The following EPS8L1 variants were observed in gnomAD, a reference collection of about 807,000 sequenced individuals.
The protein encoded by EPS8L1 is EPS8 signaling adaptor L1.
Under a neutral mutation model 91.7 loss-of-function variants are expected in EPS8L1, and 101 were observed. That is an observed-to-expected ratio of 1.10 (90% CI 0.94 to 1.30). EPS8L1 has a LOEUF of 1.30. Ranked by LOEUF, EPS8L1 falls within the 50% of genes most tolerant of loss-of-function variation. The pLI is 0.00. For missense variants in EPS8L1, 1,114 were observed against 1,017.0 expected (o/e 1.10, Z -1.30); for synonymous variants, 506 against 445.3 (o/e 1.14, Z -1.72).
At chr19:55,078,252 GCTGGGGGT>G in intron 3 of EPS8L1, 124 bp downstream of exon 3, 1 of 613,440 alleles carries the variant, frequency 1.6e-6, no homozygotes, top group South Asian at 2.2e-5. Context: ...GGGAAGAGGT[GCTGGGGGT>G]CTGGACTCCT....
intron 14 of EPS8L1, 166 bp from the exon 15 acceptor site, chr19:55,085,675 A>T: frequency 1.3e-6 from 1 of 768,122 alleles, no homozygotes; most frequent in Non-Finnish European, 2.1e-6. Context: ...GGAGGGAGCA[A>T]ATATATTCAG....
intron 2 of EPS8L1, among the ~76,000 whole-genome samples, chr19:55,077,757 T>C: frequency 6.6e-6 from 1 of 150,750 alleles, no homozygotes; most frequent in East Asian, 1.9e-4. Flanking sequence ...CCCAGCTAAT[T>C]TTTGTATTTT....
chr19:55,081,698 G>C lies in EPS8L1; in HGVS notation c.775-75G>C. The C allele has an allele frequency of 1.9e-6, 3 of 1,539,136 alleles. No homozygotes were observed. The highest frequency in any genetic ancestry group is 2.6e-6 in the Non-Finnish European group (3 of 1,141,858). ...GCCTGATCTGGGGAAGTGTATAGGTGCTCAGGTTCAGGGCTTCGACGGGGA... is the reference window on the plus strand; with the variant it reads ...GCCTGATCTGGGGAAGTGTATAGGTCCTCAGGTTCAGGGCTTCGACGGGGA... On this transcript the variant is annotated intron_variant, in intron 8 of 19. Coordinates refer to ENST00000201647, the MANE Select transcript of EPS8L1 (RefSeq NM_133180.3). This position sits in a 1 kb window ranked among gnomAD's most constrained non-coding sequence, Gnocchi z 4.9.
chr19:55,081,310 G>A lies in EPS8L1; in HGVS notation c.592G>A (p.Ala198Thr), dbSNP rs2076253444. ...CCTGCAGCGCCGCCCGTCAGTCCGCGCAGTGATCAGCACCGTAGAGCGGGG... is the reference window on the plus strand; with the variant it reads ...CCTGCAGCGCCGCCCGTCAGTCCGCACAGTGATCAGCACCGTAGAGCGGGG... ...PPLQRRPSVR[A>T]VISTVERGAG... Residue 198 changes from alanine (A) to threonine (T), a missense_variant, in exon 8 of 20, where the codon GCA becomes ACA. Physicochemically the swap from Ala to Thr is moderately conservative, Grantham distance 58. Coordinates refer to ENST00000201647, the MANE Select transcript of EPS8L1 (RefSeq NM_133180.3). This position sits in a 1 kb window ranked among gnomAD's most constrained non-coding sequence, Gnocchi z 4.9. 11 of 1,553,128 alleles carry A rather than the reference G, an allele frequency of 7.1e-6. No homozygotes were observed. The highest frequency in any genetic ancestry group is 9.5e-6 in the Non-Finnish European group (11 of 1,155,862).
At chr19:55,082,860 G>A (rs2076299677) in intron 12 of EPS8L1, among the ~76,000 whole-genome samples, 2 of 151,534 alleles carry the variant, frequency 1.3e-5, no homozygotes, top group Admixed American at 1.3e-4. Context: ...AAGGAATAGA[G>A]GGGCTAGGGG....
At position 55,086,113 on chromosome 19, in the gene EPS8L1, A is replaced by G. The variant is rs758365359; in HGVS notation, c.1571A>G (p.Glu524Gly). The G allele has an allele frequency of 1.9e-6, 3 of 1,605,868 alleles. No homozygotes were observed. Among genetic ancestry groups the G allele is most frequent in the Admixed American group, 1.7e-5 (1 of 59,492 alleles). ...AAGGTTCGGGACCCAGCGGGGCAGG[A>G]GGGATATGTGCCCTACAACATCCTG... The part of the protein sequence containing the change: ...WWKVRDPAGQ[E>G]GYVPYNILTP... The change falls in exon 16 of 20, where the codon GAG becomes GGG. Residue 524 changes from glutamate (E) to glycine (G), a missense_variant. Physicochemically the swap from Glu to Gly is moderately conservative, Grantham distance 98. Transcript: ENST00000201647.
At chr19:55,087,482 G>C in intron 19 of EPS8L1, 46 bp from the exon 20 acceptor site, 1 of 1,614,058 alleles carries the variant, frequency 6.2e-7, no homozygotes, top group Non-Finnish European at 8.5e-7. Flanking sequence ...TTGGGATGAC[G>C]AGGGCTCGGA....
At position 55,081,644 on chromosome 19, in the gene EPS8L1, G is replaced by A. The variant is rs2076264633; in HGVS notation, c.775-129G>A. On this transcript the variant is annotated intron_variant, in intron 8 of 19. Coordinates refer to ENST00000201647, the MANE Select transcript of EPS8L1 (RefSeq NM_133180.3). This position sits in a 1 kb window ranked among gnomAD's most constrained non-coding sequence, Gnocchi z 4.9. ...GCTGGGTCGGGGGCGGGGCTTGGTT[G>A]TGGGGCGTGGCCAGGTGTTTGGGGC... 2.1e-6 allele frequency: 3 copies of A among 1,453,344 alleles called. No homozygotes were observed. The South Asian group carries it at 4.2e-5, about 20-fold the overall frequency. 90.0% of individuals were successfully genotyped at this position (1,453,344 alleles called of 1,614,324 possible).
intron 2 of EPS8L1, among the ~76,000 whole-genome samples, 145 bp from the exon 3 acceptor site, chr19:55,077,931 TCAATAATAATAA>T (rs1384135778): frequency 7.9e-5 from 11 of 138,694 alleles, no homozygotes; most frequent in Middle Eastern, 3.4e-3. Context: ...GCTCTCCTGC[TCAATAATAATAA>T]TAATAATAAT....
chr19:55,081,266 C>T lies in EPS8L1; in HGVS notation c.548C>T (p.Pro183Leu), dbSNP rs975056942. 6 of 1,529,598 alleles carry T rather than the reference C, an allele frequency of 3.9e-6. No homozygotes were observed. The South Asian group carries it at 7.4e-5, about 19-fold the overall frequency. 94.8% of individuals were successfully genotyped at this position (1,529,598 alleles called of 1,614,324 possible). A position where few individuals can be genotyped will look rare whatever the true frequency, so the allele number is the denominator to read the frequency against. Residue 183 changes from proline to leucine, a missense_variant, in exon 8 of 20, where the codon CCC becomes CTC. By Grantham distance (98) the Pro-to-Leu change is moderately conservative (BLOSUM62 -3). Transcript: ENST00000201647. This position sits in a 1 kb window ranked among gnomAD's most constrained non-coding sequence, Gnocchi z 4.9. ...GAGGAGTTGCAGCGCGACCGCTCGC[C>T]CGCCGCTGAGACCCCGCCCCTGCAG... ...TQEELQRDRSPAAETPPLQRR... is the reference protein window; with the variant it reads ...TQEELQRDRSLAAETPPLQRR...
chr19:55,087,744 C>G lies in EPS8L1; in HGVS notation c.*130C>G. 2.1e-6 allele frequency: 2 copies of G among 937,356 alleles called. No homozygotes were observed. The highest frequency in any genetic ancestry group is 2.1e-5 in the Admixed American group (1 of 48,570). 58.1% of individuals were successfully genotyped at this position (937,356 alleles called of 1,614,324 possible). A position where few individuals can be genotyped will look rare whatever the true frequency, so the allele number is the denominator to read the frequency against. ...GCTCCGGCCCTGGTCTTCCCCCATC[C>G]CGGTGGACAGACTTAACGATCCTTG... On this transcript the variant is annotated 3_prime_UTR_variant, in exon 20 of 20. Transcript: ENST00000201647.
chr19:55,086,792 C>G lies in EPS8L1; in HGVS notation c.1856C>G (p.Ala619Gly), dbSNP rs559009511. The change falls in exon 18 of 20, where the codon GCA becomes GGA. Residue 619 changes from alanine (A) to glycine (G), a missense_variant. Coordinates refer to ENST00000201647, the MANE Select transcript of EPS8L1 (RefSeq NM_133180.3). ...CAGGGCCGCTCGGGACCGAGCCGCG[C>G]AGTCCCAGGGCCCCGCGCCCCGGAA... ...LAQGRSGPSR[A>G]VPGPRAPEPQ... 1.5e-4 allele frequency: 237 copies of G among 1,605,134 alleles called. 1 individual carries two copies. In the East Asian group the frequency reaches 5.3e-3, roughly 36 times the overall value.
At position 55,086,712 on chromosome 19, in the gene EPS8L1, A is replaced by G; in HGVS notation, c.1778-2A>G. The G allele has an allele frequency of 6.8e-7, 1 of 1,462,212 alleles. No individual in the cohort carries two copies. Among genetic ancestry groups the G allele is most frequent in the South Asian group, 1.1e-5 (1 of 88,944 alleles). The allele number at this position is 1,462,212 out of a possible 1,614,324, so 90.6% of individuals were successfully genotyped here. ...CCCTACCTCCCGGTTTCCCGCCTGC[A>G]GAGAAATTCTCCCAGATGCTCATCG... On this transcript the variant is annotated splice_acceptor_variant, in intron 17 of 19. Transcript: ENST00000201647. LOFTEE classifies it high-confidence loss of function.
intron 3 of EPS8L1, among the ~76,000 whole-genome samples, chr19:55,078,371 C>T (rs1671165): frequency 7.7e-5 from 2 of 25,892 alleles, no homozygotes; most frequent in East Asian, 1.4e-3. Context: ...GTGCTGGGGG[C>T]CTGGACTCCT....
chr19:55,086,635 G>GCCCCCCCCCCCCCCCC, intron 17 of EPS8L1, 79 bp from the exon 18 acceptor site: 1 of 1,307,710 alleles, frequency 7.6e-7, no homozygotes, highest in Non-Finnish European at 1.1e-6. Context: ...ACGCTGGAGC[G>GCCCCCCCCCCCCCCCC]CCCCCCCGCC....
chr19:55,086,516 A>C lies in EPS8L1; in HGVS notation c.1775A>C (p.Lys592Thr). 1 of 1,551,136 alleles carries C rather than the reference A, an allele frequency of 6.4e-7. No individual in the cohort carries two copies. Among genetic ancestry groups the C allele is most frequent in the South Asian group, 1.2e-5 (1 of 84,028 alleles). Residue 592 changes from lysine (K) to threonine (T), a missense_variant and splice_region_variant, in exon 17 of 20, where the codon AAG (lysine) becomes ACG (threonine). Physicochemically the swap from Lys to Thr is moderately conservative, Grantham distance 78. Transcript: ENST00000201647. ...DSLNGLDPSE[K>T]EKFSQMLIVN... ...CTCAACGGCTTGGACCCCAGCGAGA[A>C]GGGTGAGTGGTGGGGACGCCGGCTG...
chr19:55,082,045 G>A (rs1402566280), intron 9 of EPS8L1, 47 bp from the exon 10 acceptor site: 1 of 1,554,198 alleles, frequency 6.4e-7, no homozygotes, highest in Non-Finnish European at 8.7e-7. Flanking sequence ...CTGCCTGCCT[G>A]GTGCTGGCCC....
rs756505584 is a variant in EPS8L1 at position 55,081,430 on chromosome 19, G to A, written c.712G>A (p.Ala238Thr). ...GGGGACCTCGAGCAACGCTGACTCGGCCTCCCCGGACCTGGGTCCCCGGGG... is the reference window on the plus strand; with the variant it reads ...GGGGACCTCGAGCAACGCTGACTCGACCTCCCCGGACCTGGGTCCCCGGGG... The part of the protein sequence containing the change: ...PVGTSSNADS[A>T]SPDLGPRGPD... The change falls in exon 8 of 20, where the codon GCC (alanine) becomes ACC (threonine). Residue 238 changes from alanine to threonine, a missense_variant. Physicochemically the swap from Ala to Thr is moderately conservative, Grantham distance 58 (BLOSUM62 0). Transcript: ENST00000201647. The surrounding 1 kb of genome is among the most constrained non-coding windows in gnomAD (Gnocchi z 4.9). 8.7e-6 allele frequency: 14 copies of A among 1,601,408 alleles called. No individual in the cohort carries two copies. The South Asian group carries it at 1.3e-4, about 15-fold the overall frequency.
At chr19:55,078,195 A>G in intron 3 of EPS8L1, 67 bp downstream of exon 3, 2 of 1,474,268 alleles carry the variant, frequency 1.4e-6, no homozygotes, top group Non-Finnish European at 1.9e-6. Flanking sequence ...CCTGGCATCC[A>G]GGGTCTTGGA....
Sources: allele counts gnomAD v4.1 joint callset (sites outside exome capture counted in the v4.1 genomes callset), GRCh38; gene constraint gnomAD v4.1.1; non-coding constraint Gnocchi (gnomAD v3.1); transcripts MANE v1.5; gene names NCBI Gene and HGNC (gene_info 2026-07-23, HGNC 2026-07-21).